Variants in THBS2 observed in about 807,000 individuals in gnomAD.
The protein encoded by THBS2 is thrombospondin-2.
A neutral mutation model predicts 135.2 loss-of-function variants in THBS2; 47 were observed. The ratio of observed to expected loss-of-function variants is 0.35; its 90% CI spans 0.28 to 0.44. The LOEUF (loss-of-function observed/expected upper bound fraction) is 0.44, where lower values mean the gene tolerates loss of function less well. THBS2 is among the 20% of genes least tolerant of loss of function. The probability of loss-of-function intolerance (pLI) is 1.00; values close to 1 mark genes in which losing one functional copy is unlikely to be tolerated. For missense variants in THBS2, 1,288 were observed against 1,603.1 expected (o/e 0.80, Z 3.36); for synonymous variants, 639 against 633.8 (o/e 1.01, Z -0.12).
Position 169,248,413 on chromosome 6 carries a change from G to A in THBS2, c.609+4C>T, listed in dbSNP as rs372025875. 72 of 1,597,578 alleles carry A rather than the reference G, an allele frequency of 4.5e-5. No homozygotes were observed. The highest frequency in any genetic ancestry group is 2.9e-4 in the African/African-American group (22 of 74,662). ...CACGGCGGCCACCTCCCTGCAGAGC[G>A]TACCCTGAAGTGACTCTCTCTGGCA... On this transcript the variant is annotated splice_donor_region_variant and intron_variant, in intron 3 of 21. Transcript: ENST00000617924.
intron 21 of THBS2, among the ~76,000 whole-genome samples, chr6:169,219,355 G>GA: frequency 5.6e-5 from 8 of 143,310 alleles, no homozygotes; most frequent in East Asian, 2.1e-4. Context: ...TGGATGGATG[G>GA]TTGGGTGAAT....
At chr6:169,244,313 A>AAC (rs35075375) in intron 4 of THBS2, among the ~76,000 whole-genome samples, 8,009 of 146,910 alleles carry the variant, frequency 0.055, 364 homozygotes, top group African/African-American at 0.12. Context: ...GTATGCTGGT[A>AAC]ACACACACAC....
intron 14 of THBS2, among the ~76,000 whole-genome samples, chr6:169,228,784 C>T (rs375621192): frequency 2.0e-5 from 3 of 151,648 alleles, no homozygotes; most frequent in Non-Finnish European, 2.9e-5. Context: ...ATGAGCCGGG[C>T]GTGGTGGTGT....
At chr6:169,223,859 T>A (rs1172351626) in intron 17 of THBS2, among the ~76,000 whole-genome samples, 2 of 152,226 alleles carry the variant, frequency 1.3e-5, no homozygotes, top group Non-Finnish European at 2.9e-5. Context: ...GTTATTACTT[T>A]TCTTAGTCAT....
At chr6:169,237,137 GCCCAC>G in intron 9 of THBS2, 28 bp downstream of exon 9, 1 of 1,575,082 alleles carries the variant, frequency 6.3e-7, no homozygotes, top group Non-Finnish European at 8.6e-7. Context: ...CTGCAAGCCC[GCCCAC>G]CCAGGGCCCC....
chr6:169,236,166 C>T (rs1364153084), intron 9 of THBS2, among the ~76,000 whole-genome samples: 9 of 121,904 alleles, frequency 7.4e-5, no homozygotes, highest in Admixed American at 1.6e-4. Context: ...ACACTCACTC[C>T]CCATCCACAC....
intron 8 of THBS2, 106 bp from the exon 9 acceptor site, chr6:169,237,452 A>G: frequency 6.7e-7 from 1 of 1,499,172 alleles, no homozygotes; most frequent in Non-Finnish European, 9.1e-7. Flanking sequence ...TGCTGAGGAG[A>G]GGGAAGGAGA....
chr6:169,236,210 ACCATCCACACTCACTCC>A (rs1264483790), intron 9 of THBS2, among the ~76,000 whole-genome samples: 1 of 41,640 alleles, frequency 2.4e-5, no homozygotes, highest in Non-Finnish European at 4.5e-5. Flanking sequence ...CCCCATAAAC[ACCATCCACACTCACTCC>A]CCATCCACAC....
At chr6:169,249,164 G>C (rs1202509810) in intron 2 of THBS2, among the ~76,000 whole-genome samples, 191 bp from the exon 3 acceptor site, 1 of 152,224 alleles carries the variant, frequency 6.6e-6, no homozygotes, top group Non-Finnish European at 1.5e-5. Flanking sequence ...CTCCGTGCCA[G>C]TGCCGCTACT....
In THBS2 at chr6:169,237,657, C is replaced by G. The variant is rs375611577; in HGVS notation, c.1268G>C (p.Arg423Pro). ...GTCACACTTGCTCAGACTGCAAGCC[C>G]GTGTCTGGATGGAGGGCCCCAAGCA... ...NTCLGPSIQT[R>P]ACSLSKCDTR... Residue 423 changes from arginine (R) to proline (P), a missense_variant, in exon 8 of 22, where the codon CGG (arginine) becomes CCG (proline). Transcript: ENST00000617924. 6.2e-6 allele frequency: 10 copies of G among 1,612,848 alleles called. No individual in the cohort carries two copies.
rs372025449 is a variant in THBS2, at chr6:169,241,400, GGTGTGT to G, written c.891+356_891+361del. On this transcript the variant is annotated intron_variant, in intron 5 of 21. Coordinates refer to ENST00000617924, the MANE Select transcript of THBS2 (RefSeq NM_003247.5). This position sits in a 1 kb window ranked among gnomAD's most constrained non-coding sequence, Gnocchi z 5.5. The stretch of plus-strand genomic sequence containing the variant: ...TGAAATAAAATTATTTTCCTCTGCA[GGTGTGT>G]GTGTGTGTGTATGTGTGTGTATGTG... Among the ~76,000 whole-genome samples, 559 of 150,958 alleles carry G rather than the reference GGTGTGT, an allele frequency of 3.7e-3. 4 individuals are homozygous for G. Among genetic ancestry groups the G allele is most frequent in the African/African-American group, 0.013 (540 of 40,920 alleles).
chr6:169,243,314 G>C (rs1489649229), intron 4 of THBS2, among the ~76,000 whole-genome samples: 1 of 152,214 alleles, frequency 6.6e-6, no homozygotes, highest in Non-Finnish European at 1.5e-5. Context: ...CAGGGACGGA[G>C]GCGGGGTCCA....
chr6:169,238,861 G>A (rs180787085), intron 7 of THBS2, among the ~76,000 whole-genome samples: 21 of 152,308 alleles, frequency 1.4e-4, no homozygotes, highest in Non-Finnish European at 2.2e-4. Flanking sequence ...TGGGAGAAGC[G>A]TTGCCTGATC....
Position 169,220,263 on chromosome 6 carries a change from C to A in THBS2, c.3446G>T (p.Arg1149Leu). 6.2e-7 allele frequency: 1 copy of A among 1,613,904 alleles called. No individual in the cohort carries two copies. ...PIYDQTYAGG[R>L]LGLFVFSQEM... ...TTGAGAGAAGACAAATAGACCCAGC[C>A]GCCCGCCAGCGTAGGTTTGGTCATA... The change falls in exon 21 of 22, where the codon CGG becomes CTG. Residue 1149 changes from arginine (R) to leucine (L), a missense_variant. This residue lies in a region of THBS2 where 874 missense variants were observed against 1,156.1 expected (regional missense o/e 0.76). Coordinates refer to ENST00000617924, the MANE Select transcript of THBS2 (RefSeq NM_003247.5).
chr6:169,252,483 G>C lies in THBS2; in HGVS notation c.-23+1241C>G, dbSNP rs1780789123. Among the ~76,000 whole-genome samples, 1 of 152,228 alleles carries C rather than the reference G, an allele frequency of 6.6e-6. No individual in the cohort carries two copies. Among genetic ancestry groups the C allele is most frequent in the Admixed American group, 6.5e-5 (1 of 15,284 alleles). ...CAGGATGGTAAATGCGAAAGTTCTG[G>C]ATGCCCAGCTTCATAAGGACAGGTT... is the stretch of plus-strand genomic sequence containing the variant. On this transcript the variant is annotated intron_variant, in intron 1 of 21. Transcript: ENST00000617924. The surrounding 1 kb of genome is among the most constrained non-coding windows in gnomAD (Gnocchi z 4.3).
In THBS2 at chr6:169,226,262, T is replaced by C; in HGVS notation, c.2456A>G (p.Tyr819Cys). ...ATCCGTGTCCCTCTGGTCAGTGTTG[T>C]AGACGTAGGGACAATTGTCTCGTTC... ...FNERDNCPYV[Y>C]NTDQRDTDGD... is the part of the protein sequence containing the mutation. The change falls in exon 16 of 22, where the codon TAC becomes TGC. Residue 819 changes from tyrosine to cysteine, a missense_variant. Tyr to Cys is a radical substitution (Grantham distance 194, BLOSUM62 -2). This residue lies in a region of THBS2 where 874 missense variants were observed against 1,156.1 expected (regional missense o/e 0.76). Coordinates refer to ENST00000617924, the MANE Select transcript of THBS2 (RefSeq NM_003247.5). 6.2e-7 allele frequency: 1 copy of C among 1,614,138 alleles called. No homozygotes were observed. Among genetic ancestry groups the C allele is most frequent in the Non-Finnish European group, 8.5e-7 (1 of 1,179,986 alleles).
At chr6:169,242,018 TG>T in intron 4 of THBS2, 60 bp from the exon 5 acceptor site, 1 of 1,541,834 alleles carries the variant, frequency 6.5e-7, no homozygotes, top group Non-Finnish European at 8.8e-7. Flanking sequence ...CAGCAGGGGC[TG>T]GGAACAGAGG....
chr6:169,225,152 GTCC>G lies in THBS2; in HGVS notation c.2763_2765del (p.Glu921del). On this transcript the variant is annotated inframe_deletion, in exon 17 of 22. Transcript: ENST00000617924. Reference sequence around the variant, plus strand: ...AGCTGAGAGAGCACCCACCGTCCAAGTCCTCCTGGTCTGGGTTGAACACAAGCC... The same window carrying G: ...AGCTGAGAGAGCACCCACCGTCCAAGTCCTGGTCTGGGTTGAACACAAGCC... The G allele has an allele frequency of 2.5e-6, 4 of 1,614,200 alleles. No individual in the cohort carries two copies. The highest frequency in any genetic ancestry group is 3.4e-6 in the Non-Finnish European group (4 of 1,180,024).
intron 2 of THBS2, among the ~76,000 whole-genome samples, chr6:169,249,902 C>T (rs527457839): frequency 8.4e-4 from 128 of 152,088 alleles, no homozygotes; most frequent in African/African-American, 2.9e-3. Flanking sequence ...TGGTTGTGGG[C>T]GCTTGTAGTC....
Sources: gnomAD v4.1 joint callset for allele counts (sites outside exome capture counted in the v4.1 genomes callset) on GRCh38, gnomAD v4.1.1 for gene constraint, gnomAD v4.1.1 regional missense constraint, Gnocchi (gnomAD v3.1) non-coding constraint, MANE v1.5 for transcripts, NCBI Gene and HGNC (gene_info 2026-07-23, HGNC 2026-07-21) for gene names.